Variants in CSRNP3 observed in about 807,000 individuals in gnomAD.
CSRNP3 encodes cysteine and serine rich nuclear protein 3.
Under a neutral mutation model 48.0 loss-of-function variants are expected in CSRNP3, and 12 were observed. The observed-to-expected ratio is 0.25, with a 90% CI of 0.16 to 0.41. The LOEUF is 0.41. Ranked by LOEUF, CSRNP3 falls within the 10% of genes least tolerant of loss-of-function variation. The probability of loss-of-function intolerance (pLI) is 1.00; values close to 1 mark genes in which losing one functional copy is unlikely to be tolerated. For synonymous variants in CSRNP3, 263 were observed against 269.7 expected (o/e 0.98, Z 0.24); for missense variants, 580 against 724.4 (o/e 0.80, Z 2.29).
rs537245253 is a variant in CSRNP3 at position 165,491,937 on chromosome 2, A to C, written c.-282-2822A>C. On this transcript the variant is annotated intron_variant, in intron 1 of 6. Transcript: ENST00000651982. ...GCACAATGTACACATGTACCCTAAA[A>C]CTTAAAGTATAATAAAAAAAAAAAA... 5.7e-4 allele frequency among the ~76,000 whole-genome samples: 84 copies of C among 146,180 alleles called. No homozygotes were observed. The East Asian group carries it at 6.7e-3, about 12-fold the overall frequency.
At chr2:165,526,103 A>G (rs1167074867) in intron 3 of CSRNP3, among the ~76,000 whole-genome samples, 1 of 152,190 alleles carries the variant, frequency 6.6e-6, no homozygotes, top group Non-Finnish European at 1.5e-5. Flanking sequence ...ATGTATTTAT[A>G]CTTTTTCTAT....
chr2:165,609,029 C>T (rs181387102), intron 4 of CSRNP3, among the ~76,000 whole-genome samples: 44 of 149,334 alleles, frequency 2.9e-4, no homozygotes, highest in African/African-American at 1.1e-3. Context: ...ATGGCGTGAA[C>T]CTGGAAGGCA....
At chr2:165,514,747 A>T (rs1410788640) in intron 2 of CSRNP3, among the ~76,000 whole-genome samples, 1 of 151,842 alleles carries the variant, frequency 6.6e-6, no homozygotes, top group Non-Finnish European at 1.5e-5. Flanking sequence ...CCTCCTCCTT[A>T]AACATTTTTT....
chr2:165,621,402 A>G (rs1442700606), intron 4 of CSRNP3, among the ~76,000 whole-genome samples: 3 of 151,892 alleles, frequency 2.0e-5, no homozygotes, highest in African/African-American at 7.3e-5. Flanking sequence ...TATGCTAAGA[A>G]TGGAAGGTAC....
chr2:165,555,744 G>A (rs576290583), intron 3 of CSRNP3, among the ~76,000 whole-genome samples: 44 of 152,324 alleles, frequency 2.9e-4, no homozygotes, highest in African/African-American at 7.7e-4. Flanking sequence ...AGGCTGAATC[G>A]TAATATGTGA....
rs1364258312 is a variant in CSRNP3, at chr2:165,657,939, T to C, written c.327T>C (p.Phe109=). The stretch of plus-strand genomic sequence containing the variant: ...TGCGCCAGTACACTCTTGGCGAGTT[T>C]GCAAGGGAGCAGGAGAGGCTCCACC... ...NSVRQYTLGE[F]AREQERLHRE... is the part of the protein sequence containing the mutation. The change falls in exon 5 of 7, where the codon TTT becomes TTC. Residue 109 remains phenylalanine (F), a synonymous_variant. Transcript: ENST00000651982. 3.1e-6 allele frequency: 5 copies of C among 1,614,090 alleles called. No individual in the cohort carries two copies. The highest frequency in any genetic ancestry group is 2.5e-6 in the Non-Finnish European group (3 of 1,179,998).
intron 1 of CSRNP3, among the ~76,000 whole-genome samples, chr2:165,486,133 GAA>G (rs1684110950): frequency 1.3e-5 from 2 of 152,230 alleles, no homozygotes; most frequent in African/African-American, 4.8e-5. Context: ...CCTCACCTGG[GAA>G]GCGCAAGGGG....
At chr2:165,528,086 G>A (rs1684762171) in intron 3 of CSRNP3, among the ~76,000 whole-genome samples, 1 of 152,112 alleles carries the variant, frequency 6.6e-6, no homozygotes, top group South Asian at 2.1e-4. Flanking sequence ...CTATAAATTA[G>A]CAAAGTTTTT....
chr2:165,688,305 G>A lies in CSRNP3; in HGVS notation c.*8552G>A, dbSNP rs1216500867. The A allele has an allele frequency of 6.6e-6, 1 of 152,050 alleles. No homozygotes were observed. Among genetic ancestry groups the A allele is most frequent in the Non-Finnish European group, 1.5e-5 (1 of 67,992 alleles). The allele number at this position is 152,050 out of a possible 1,614,324, so 9.4% of individuals were successfully genotyped here. ...TCAGCCTTTATTGTGTCTTAGTAAAGTTGATCTGCTTTATTTTTAGTTTAT... is the reference window on the plus strand; with the variant it reads ...TCAGCCTTTATTGTGTCTTAGTAAAATTGATCTGCTTTATTTTTAGTTTAT... On this transcript the variant is annotated 3_prime_UTR_variant, in exon 7 of 7. Transcript: ENST00000651982.
At chr2:165,478,050 G>A (rs775479959) in intron 1 of CSRNP3, among the ~76,000 whole-genome samples, 6 of 151,418 alleles carry the variant, frequency 4.0e-5, no homozygotes, top group Non-Finnish European at 5.9e-5. Context: ...GGAAAGGAAG[G>A]AAAGGAAAGA....
chr2:165,655,225 G>A (rs1172136114), intron 4 of CSRNP3, among the ~76,000 whole-genome samples: 1 of 152,182 alleles, frequency 6.6e-6, no homozygotes, highest in Admixed American at 6.5e-5. Context: ...GAGGTAGTAT[G>A]ATGCCAAATC....
chr2:165,496,915 A>G (rs1419351981), intron 2 of CSRNP3, among the ~76,000 whole-genome samples: 2 of 152,038 alleles, frequency 1.3e-5, no homozygotes, highest in Admixed American at 6.6e-5. Flanking sequence ...TGATTTCTAT[A>G]GCTTGTAAGT....
intron 5 of CSRNP3, among the ~76,000 whole-genome samples, chr2:165,675,576 T>C (rs936371592): frequency 6.6e-6 from 1 of 152,198 alleles, no homozygotes; most frequent in African/African-American, 2.4e-5. Context: ...GTGAGACCGT[T>C]TCCACATGAG....
intron 4 of CSRNP3, among the ~76,000 whole-genome samples, chr2:165,639,935 A>G (rs527758762): frequency 1.3e-5 from 2 of 152,278 alleles, no homozygotes; most frequent in African/African-American, 2.4e-5. Context: ...TTCAGTGTCC[A>G]TTACCTTTAT....
chr2:165,616,033 C>T lies in CSRNP3; in HGVS notation c.148+20820C>T, dbSNP rs146270462. Among the ~76,000 whole-genome samples the T allele has an allele frequency of 3.2e-3, 486 of 152,020 alleles. 6 individuals carry two copies. The highest frequency in any genetic ancestry group is 7.9e-3 in the Admixed American group (121 of 15,282). On this transcript the variant is annotated intron_variant, in intron 4 of 6. Coordinates refer to ENST00000651982, the MANE Select transcript of CSRNP3 (RefSeq NM_001172173.2). Reference sequence around the variant, plus strand: ...GGCATGAGCCATCATGCCCAGCTTCCATCCCTTCACTGTTATTCTTTGTGT... The same window carrying T: ...GGCATGAGCCATCATGCCCAGCTTCTATCCCTTCACTGTTATTCTTTGTGT...
intron 3 of CSRNP3, among the ~76,000 whole-genome samples, chr2:165,530,643 C>T (rs1397457417): frequency 6.6e-6 from 1 of 152,192 alleles, no homozygotes; most frequent in Non-Finnish European, 1.5e-5. Context: ...TTAGGAGCCT[C>T]TCTAGGATTT....
intron 3 of CSRNP3, among the ~76,000 whole-genome samples, chr2:165,561,366 A>G (rs765351402): frequency 9.8e-5 from 15 of 152,312 alleles, no homozygotes; most frequent in South Asian, 2.1e-4. Context: ...GTTAGGACAC[A>G]CGAACCCCCT....
intron 3 of CSRNP3, among the ~76,000 whole-genome samples, chr2:165,522,953 T>A (rs1448742097): frequency 6.6e-6 from 1 of 152,160 alleles, no homozygotes; most frequent in Non-Finnish European, 1.5e-5. Flanking sequence ...TAGCATTCAC[T>A]AATCCTTTCA....
chr2:165,604,746 A>T (rs1046255912), intron 4 of CSRNP3, among the ~76,000 whole-genome samples: 20 of 152,152 alleles, frequency 1.3e-4, no homozygotes, highest in African/African-American at 1.7e-4. Context: ...CACCTTCACC[A>T]TCCTTTGAAT....
Sources: gnomAD v4.1 joint callset for allele counts (sites outside exome capture counted in the v4.1 genomes callset) on GRCh38, gnomAD v4.1.1 for gene constraint, MANE v1.5 for transcripts, NCBI Gene and HGNC (gene_info 2026-07-23, HGNC 2026-07-21) for gene names.